BRINP3: variants seen among roughly 807,000 people sequenced by gnomAD.
The protein encoded by BRINP3 is BMP/retinoic acid inducible neural specific 3.
Under a neutral mutation model 71.0 loss-of-function variants are expected in BRINP3, and 19 were observed. The ratio of observed to expected loss-of-function variants is 0.27; its 90% CI spans 0.19 to 0.39. BRINP3 has a LOEUF of 0.39. Ranked by LOEUF, BRINP3 falls within the 10% of genes least tolerant of loss-of-function variation. The pLI is 1.00. For synonymous variants in BRINP3, 380 were observed against 337.7 expected (o/e 1.13, Z -1.37); for missense variants, 959 against 940.8 (o/e 1.02, Z -0.25).
chr1:190,468,728 G>C (rs968481940), intron 1 of BRINP3, among the ~76,000 whole-genome samples: 2 of 151,028 alleles, frequency 1.3e-5, no homozygotes, highest in Admixed American at 6.6e-5. Flanking sequence ...ATATCTTTTG[G>C]GGGGTGGGAG....
At position 190,439,809 on chromosome 1, in the gene BRINP3, A is replaced by G. The variant is rs182690077; in HGVS notation, c.236+14846T>C. Among the ~76,000 whole-genome samples the G allele has an allele frequency of 2.6e-5, 4 of 152,134 alleles. No homozygotes were observed. The East Asian group carries it at 5.8e-4, about 22-fold the overall frequency. On this transcript the variant is annotated intron_variant, in intron 2 of 7. Transcript: ENST00000367462. ...ATGTCAATAATAAATTTTATTTCCT[A>G]TAATAAAGCATTCATATACAATGGC...
chr1:190,219,187 C>G (rs942004408), intron 6 of BRINP3, among the ~76,000 whole-genome samples: 1 of 152,002 alleles, frequency 6.6e-6, no homozygotes, highest in Non-Finnish European at 1.5e-5. Context: ...TCCTTCAATG[C>G]AATTCACAGA....
At chr1:190,442,337 C>CA (rs1299095630) in intron 2 of BRINP3, among the ~76,000 whole-genome samples, 1 of 152,092 alleles carries the variant, frequency 6.6e-6, no homozygotes, top group Admixed American at 6.5e-5. Context: ...AAGGCCACAG[C>CA]AAAACAGAGA....
intron 2 of BRINP3, among the ~76,000 whole-genome samples, chr1:190,444,015 C>G (rs1472477087): frequency 2.0e-5 from 3 of 151,968 alleles, no homozygotes; most frequent in East Asian, 3.9e-4. Context: ...GGCAGATTAC[C>G]TAAGGTTGGG....
At chr1:190,255,373 T>C (rs951781789) in intron 4 of BRINP3, among the ~76,000 whole-genome samples, 2 of 152,168 alleles carry the variant, frequency 1.3e-5, no homozygotes, top group African/African-American at 4.8e-5. Flanking sequence ...AGCTCTTCTT[T>C]GTACCCCTGG....
intron 6 of BRINP3, among the ~76,000 whole-genome samples, chr1:190,184,214 CT>C (rs1217081707): frequency 6.6e-6 from 1 of 151,994 alleles, no homozygotes; most frequent in Non-Finnish European, 1.5e-5. Flanking sequence ...TAGTTTTTAG[CT>C]AAAATTCTTT....
At chr1:190,118,800 G>T (rs191638383) in intron 7 of BRINP3, among the ~76,000 whole-genome samples, 1 of 152,220 alleles carries the variant, frequency 6.6e-6, no homozygotes. Context: ...AGTGGTAAGC[G>T]GTACTGAGGG....
chr1:190,464,873 A>G (rs1173306626), intron 1 of BRINP3, among the ~76,000 whole-genome samples: 1 of 152,020 alleles, frequency 6.6e-6, no homozygotes, highest in Non-Finnish European at 1.5e-5. Context: ...ATCAGGCAAT[A>G]TAGTGCCCTG....
rs904813265 is a variant in BRINP3 at position 190,373,438 on chromosome 1, G to A, written c.236+81217C>T. 8.8e-4 allele frequency among the ~76,000 whole-genome samples: 85 copies of A among 96,768 alleles called. 1 individual carries two copies. The highest frequency in any genetic ancestry group is 3.1e-3 in the African/African-American group (65 of 20,914). The allele number at this position is 96,768 out of a possible 152,430, so 63.5% of individuals were successfully genotyped here. A position where few individuals can be genotyped will look rare whatever the true frequency, so the allele number is the denominator to read the frequency against. On this transcript the variant is annotated intron_variant, in intron 2 of 7. Coordinates refer to ENST00000367462, the MANE Select transcript of BRINP3 (RefSeq NM_199051.3). The stretch of plus-strand genomic sequence containing the variant: ...ATTCCTTAATTATATATATATATGT[G>A]TGTGTGTGTGTGTGTGTGTGTGTAC...
rs142650499 is a variant in BRINP3, at chr1:190,281,468, T to G, written c.427+92A>C. On this transcript the variant is annotated intron_variant, in intron 3 of 7. Transcript: ENST00000367462. Reference sequence around the variant, plus strand: ...GAATGAGTTCTATAACTATTCATACTGTAGCTATCTTGATTAATTAACACT... The same window carrying G: ...GAATGAGTTCTATAACTATTCATACGGTAGCTATCTTGATTAATTAACACT... 432 of 1,171,708 alleles carry G rather than the reference T, an allele frequency of 3.7e-4. 2 individuals carry two copies. In the African/African-American group the frequency reaches 5.6e-3, roughly 15 times the overall value. The allele number at this position is 1,171,708 out of a possible 1,614,324, so 72.6% of individuals were successfully genotyped here. A position where few individuals can be genotyped will look rare whatever the true frequency, so the allele number is the denominator to read the frequency against.
chr1:190,361,358 T>C (rs1274154441), intron 2 of BRINP3, among the ~76,000 whole-genome samples: 1 of 126,072 alleles, frequency 7.9e-6, no homozygotes, highest in African/African-American at 3.0e-5. Context: ...AGAGAATGAA[T>C]ATGTAATTTA....
intron 6 of BRINP3, among the ~76,000 whole-genome samples, chr1:190,203,694 G>T (rs1311272204): frequency 7.2e-6 from 1 of 138,508 alleles, no homozygotes; most frequent in African/African-American, 2.6e-5. Context: ...AATACCTTCT[G>T]AGAACTTCAA....
chr1:190,363,870 C>T (rs550300543), intron 2 of BRINP3, among the ~76,000 whole-genome samples: 5 of 152,078 alleles, frequency 3.3e-5, no homozygotes, highest in Non-Finnish European at 5.9e-5. Context: ...TTGGATGTCC[C>T]GAATGATGGG....
At chr1:190,301,369 T>C (rs1232629507) in intron 2 of BRINP3, among the ~76,000 whole-genome samples, 2 of 150,466 alleles carry the variant, frequency 1.3e-5, no homozygotes, top group African/African-American at 2.4e-5. Flanking sequence ...TAATATTTCC[T>C]CTAAATTCCT....
chr1:190,198,976 T>A (rs1399511543), intron 6 of BRINP3, among the ~76,000 whole-genome samples: 1 of 152,118 alleles, frequency 6.6e-6, no homozygotes, highest in African/African-American at 2.4e-5. Flanking sequence ...AGAGACAGGA[T>A]AATGTATAAA....
chr1:190,423,939 C>T (rs74130749), intron 2 of BRINP3, among the ~76,000 whole-genome samples: 3,935 of 151,832 alleles, frequency 0.026, 166 homozygotes, highest in African/African-American at 0.085. Flanking sequence ...TAGTTTCAGA[C>T]TTGCTCATAA....
chr1:190,135,156 G>T (rs931334727), intron 7 of BRINP3, among the ~76,000 whole-genome samples: 1 of 152,014 alleles, frequency 6.6e-6, no homozygotes, highest in East Asian at 1.9e-4. Context: ...CTGCATTTGT[G>T]ATAACAAATG....
intron 6 of BRINP3, among the ~76,000 whole-genome samples, chr1:190,185,146 A>G (rs986767616): frequency 3.3e-5 from 5 of 152,178 alleles, no homozygotes; most frequent in African/African-American, 1.2e-4. Flanking sequence ...AGCAAAGGAA[A>G]TAATCAACAG....
chr1:190,421,900 G>A (rs1673411637), intron 2 of BRINP3, among the ~76,000 whole-genome samples: 1 of 151,702 alleles, frequency 6.6e-6, no homozygotes, highest in Non-Finnish European at 1.5e-5. Flanking sequence ...GACATTCCTT[G>A]CATTCTTTTC....
Sources: allele counts gnomAD v4.1 joint callset (sites outside exome capture counted in the v4.1 genomes callset), GRCh38; gene constraint gnomAD v4.1.1; transcripts MANE v1.5; gene names NCBI Gene and HGNC (gene_info 2026-07-23, HGNC 2026-07-21).